G3BP1: variants seen among roughly 807,000 people sequenced by gnomAD.
G3BP1 encodes ras GTPase-activating protein-binding protein 1.
A neutral mutation model predicts 58.6 loss-of-function variants in G3BP1; 35 were observed. The ratio of observed to expected loss-of-function variants is 0.60; its 90% CI spans 0.46 to 0.79. The LOEUF (loss-of-function observed/expected upper bound fraction) is 0.79. Ranked by LOEUF, G3BP1 falls within the 30% of genes least tolerant of loss-of-function variation. The pLI, the probability that G3BP1 is intolerant of heterozygous loss-of-function variation, is 0.00. For synonymous variants in G3BP1, 191 were observed against 195.4 expected (o/e 0.98, Z 0.19); for missense variants, 523 against 580.8 (o/e 0.90, Z 1.02).
intron 11 of G3BP1, among the ~76,000 whole-genome samples, chr5:151,801,846 T>G (rs2964566): frequency 6.6e-6 from 1 of 151,192 alleles, no homozygotes; most frequent in Non-Finnish European, 1.5e-5. Flanking sequence ...ACAGTGTCTC[T>G]CTCTGCCACC....
chr5:151,805,202 A>C lies in G3BP1; in HGVS notation c.*1111A>C, dbSNP rs913938237. 3 of 152,356 alleles carry C rather than the reference A, an allele frequency of 2.0e-5. No homozygotes were observed. The highest frequency in any genetic ancestry group is 7.3e-5 in the African/African-American group (3 of 41,346). The allele number at this position is 152,356 out of a possible 1,614,324, so 9.4% of individuals were successfully genotyped here. ...GTTACTTTAATATTGGACTTTGCTCATGTGCTCGTGTCCGCATTTTTTTTT... is the reference window on the plus strand; with the variant it reads ...GTTACTTTAATATTGGACTTTGCTCCTGTGCTCGTGTCCGCATTTTTTTTT... On this transcript the variant is annotated 3_prime_UTR_variant, in exon 12 of 12. Coordinates refer to ENST00000356245, the MANE Select transcript of G3BP1 (RefSeq NM_005754.3).
chr5:151,773,504 C>T (rs1187780862), intron 1 of G3BP1, among the ~76,000 whole-genome samples: 1 of 152,162 alleles, frequency 6.6e-6, no homozygotes, highest in Non-Finnish European at 1.5e-5. Context: ...AGATGCTTTT[C>T]TTCAGGGACT....
intron 1 of G3BP1, among the ~76,000 whole-genome samples, chr5:151,775,239 T>C (rs1254254459): frequency 2.6e-5 from 4 of 152,222 alleles, no homozygotes; most frequent in Admixed American, 6.5e-5. Context: ...TTAAAGATGA[T>C]TGACAGAAAT....
At position 151,790,897 on chromosome 5, in the gene G3BP1, C is replaced by G; in HGVS notation, c.186C>G (p.His62Gln). ...ADAVYGQKEI[H>Q]RKVMSQNFTN... ...ATTATTATTTTTTTAAGGAAATCCA[C>G]AGGAAAGTGATGTCACAAAACTTCA... The change falls in exon 4 of 12, where the codon CAC (histidine) becomes CAG (glutamine). Residue 62 changes from histidine to glutamine, a missense_variant. Transcript: ENST00000356245. 1 of 1,572,568 alleles carries G rather than the reference C, an allele frequency of 6.4e-7. No individual in the cohort carries two copies. Among genetic ancestry groups the G allele is most frequent in the Non-Finnish European group, 8.7e-7 (1 of 1,147,256 alleles).
chr5:151,795,822 G>GT (rs1160134319), intron 6 of G3BP1, among the ~76,000 whole-genome samples: 7 of 152,242 alleles, frequency 4.6e-5, no homozygotes, highest in Admixed American at 4.6e-4. Flanking sequence ...TTTTGGTTTA[G>GT]TTTTTTCTTG....
chr5:151,780,635 C>T (rs774621632), intron 1 of G3BP1, among the ~76,000 whole-genome samples: 1 of 152,200 alleles, frequency 6.6e-6, no homozygotes, highest in Non-Finnish European at 1.5e-5. Flanking sequence ...GCCTCAGCCT[C>T]CTGAGTTGCT....
intron 7 of G3BP1, among the ~76,000 whole-genome samples, chr5:151,798,546 G>A (rs1028866939): frequency 6.6e-6 from 1 of 152,186 alleles, no homozygotes; most frequent in African/African-American, 2.4e-5. Context: ...TGTTTATGAT[G>A]ATTCTACAAT....
At position 151,786,483 on chromosome 5, in the gene G3BP1, A is replaced by G. The variant is rs564255688; in HGVS notation, c.-49-89A>G. On this transcript the variant is annotated intron_variant, in intron 1 of 11. Coordinates refer to ENST00000356245, the MANE Select transcript of G3BP1 (RefSeq NM_005754.3). ...CTGTTTGTTTTTATGATGTTTGTTC[A>G]TGTTTTAAACGACTTGCTGAAATGA... is the stretch of plus-strand genomic sequence containing the variant. 130 of 672,022 alleles carry G rather than the reference A, an allele frequency of 1.9e-4. 2 individuals are homozygous for G. The South Asian group carries it at 2.2e-3, about 11-fold the overall frequency. 41.6% of individuals were successfully genotyped at this position (672,022 alleles called of 1,614,324 possible).
intron 1 of G3BP1, among the ~76,000 whole-genome samples, chr5:151,777,054 G>T (rs1347423971): frequency 1.3e-5 from 2 of 152,116 alleles, no homozygotes; most frequent in African/African-American, 4.8e-5. Flanking sequence ...CTCCAAGGAG[G>T]CGTCAGGAAG....
rs36126085 is a variant in G3BP1, at chr5:151,787,915, A to ATGTG, written c.95+1213_95+1216dup. ...ATATCTCGTGTGTGTGTGTGTGTGC[A>ATGTG]TGTGTGTGTGTGTGTGAGAGAGAGA... On this transcript the variant is annotated intron_variant, in intron 2 of 11. Transcript: ENST00000356245. 55 of 167,722 alleles carry ATGTG rather than the reference A, an allele frequency of 3.3e-4. No homozygotes were observed. The East Asian group carries it at 5.0e-3, about 15-fold the overall frequency. 10.4% of individuals were successfully genotyped at this position (167,722 alleles called of 1,614,324 possible). A position where few individuals can be genotyped will look rare whatever the true frequency, so the allele number is the denominator to read the frequency against.
intron 1 of G3BP1, 24 bp from the exon 2 acceptor site, chr5:151,786,548 T>G (rs2113227796): frequency 1.1e-6 from 1 of 943,848 alleles, no homozygotes; most frequent in East Asian, 2.4e-5. Context: ...GATTCGGTCT[T>G]TTCCCCTGTG....
intron 7 of G3BP1, among the ~76,000 whole-genome samples, chr5:151,798,545 T>G (rs1762794664): frequency 6.6e-6 from 1 of 152,252 alleles, no homozygotes; most frequent in South Asian, 2.1e-4. Context: ...GTGTTTATGA[T>G]GATTCTACAA....
intron 2 of G3BP1, 149 bp downstream of exon 2, chr5:151,786,864 A>G (rs1762562102): frequency 8.5e-6 from 5 of 590,786 alleles, no homozygotes; most frequent in South Asian, 7.8e-5. Flanking sequence ...TTTATTTGAG[A>G]CAGAGTCTCG....
Position 151,804,225 on chromosome 5 carries a change from TTG to T in G3BP1, c.*140_*141del. On this transcript the variant is annotated 3_prime_UTR_variant, in exon 12 of 12. Transcript: ENST00000356245. ...TTAAGTTTGTATAATTTTACTTTTT[TTG>T]TGTGTTAATGGTGTGTGCTCCCTCT... 1 of 574,032 alleles carries T rather than the reference TTG, an allele frequency of 1.7e-6. No homozygotes were observed. The highest frequency in any genetic ancestry group is 3.0e-6 in the Non-Finnish European group (1 of 334,050). 35.6% of individuals were successfully genotyped at this position (574,032 alleles called of 1,614,324 possible). A position where few individuals can be genotyped will look rare whatever the true frequency, so the allele number is the denominator to read the frequency against.
At position 151,808,068 on chromosome 5, in the gene G3BP1, T is replaced by C. The variant is rs977415736; in HGVS notation, c.*3977T>C. 3.3e-5 allele frequency: 5 copies of C among 152,216 alleles called. No homozygotes were observed. Among genetic ancestry groups the C allele is most frequent in the African/African-American group, 4.8e-5 (2 of 41,456 alleles). The allele number at this position is 152,216 out of a possible 1,614,324, so 9.4% of individuals were successfully genotyped here. ...CCAAAAAAAAATTAGCAATGTCTTA[T>C]GTGGGATGAGGGGTTAAGTTAAAGT... is the stretch of plus-strand genomic sequence containing the variant. On this transcript the variant is annotated 3_prime_UTR_variant, in exon 12 of 12. Coordinates refer to ENST00000356245, the MANE Select transcript of G3BP1 (RefSeq NM_005754.3).
At chr5:151,795,339 T>G (rs551717546) in intron 5 of G3BP1, 140 bp from the exon 6 acceptor site, 1 of 579,192 alleles carries the variant, frequency 1.7e-6, no homozygotes, top group East Asian at 3.0e-5. Flanking sequence ...TTAAAGTCAG[T>G]GCCATGATTT....
At chr5:151,774,720 A>G (rs1427022126) in intron 1 of G3BP1, among the ~76,000 whole-genome samples, 3 of 151,570 alleles carry the variant, frequency 2.0e-5, no homozygotes, top group Non-Finnish European at 4.4e-5. Context: ...GTAGGTCAAA[A>G]AAAAAAAGGA....
At position 151,799,346 on chromosome 5, in the gene G3BP1, A is replaced by T. The variant is rs17119588; in HGVS notation, c.843+33A>T. 24 of 1,039,034 alleles carry T rather than the reference A, an allele frequency of 2.3e-5. No homozygotes were observed. The African/African-American group carries it at 3.6e-4, about 16-fold the overall frequency. The allele number at this position is 1,039,034 out of a possible 1,614,324, so 64.4% of individuals were successfully genotyped here. The stretch of plus-strand genomic sequence containing the variant: ...CCTAATAAAACTTGTACATTAGGCA[A>T]ATTTACTTCTATTGTGGTAATTTGA... On this transcript the variant is annotated intron_variant, in intron 8 of 11. Transcript: ENST00000356245.
chr5:151,778,678 G>T (rs1762414997), intron 1 of G3BP1, among the ~76,000 whole-genome samples: 1 of 151,992 alleles, frequency 6.6e-6, no homozygotes, highest in Non-Finnish European at 1.5e-5. Flanking sequence ...CTGACTTCGG[G>T]TGATATGCCC....
Sources: allele counts gnomAD v4.1 joint callset (sites outside exome capture counted in the v4.1 genomes callset), GRCh38; gene constraint gnomAD v4.1.1; transcripts MANE v1.5; gene names NCBI Gene and HGNC (gene_info 2026-07-23, HGNC 2026-07-21).